The following STIP1 variants were observed in gnomAD, a reference collection of about 807,000 sequenced individuals.
The protein encoded by STIP1 is stress induced phosphoprotein 1, also known as stress-induced-phosphoprotein 1.
In STIP1, 16 loss-of-function variants were observed where a neutral mutation model predicts 77.4. That is an observed-to-expected ratio of 0.21 (90% confidence interval 0.14 to 0.31). STIP1 has a LOEUF of 0.31. Among genes scored for constraint, STIP1 ranks in the 10% least tolerant of loss-of-function variants. The pLI is 1.00. For missense variants in STIP1, 524 were observed against 684.8 expected (o/e 0.77, Z 2.62); for synonymous variants, 258 against 246.6 (o/e 1.05, Z -0.44).
chr11:64,200,898 G>A (rs77281744), intron 10 of STIP1, among the ~76,000 whole-genome samples: 10 of 151,314 alleles, frequency 6.6e-5, no homozygotes, highest in African/African-American at 2.4e-4. Flanking sequence ...ACCATCTCCC[G>A]GGTATTTTAG....
intron 10 of STIP1, chr11:64,202,633 T>C (rs1946232136): frequency 1.8e-6 from 1 of 561,420 alleles, no homozygotes; most frequent in South Asian, 2.1e-5. Flanking sequence ...TGTCATGTAC[T>C]CTTCAGTTTC....
At chr11:64,185,920 A>C, upstream of STIP1, 1 of 1,536,220 alleles carries the variant, frequency 6.5e-7, no homozygotes, top group Non-Finnish European at 8.7e-7. Flanking sequence ...AGTGCAAAAG[A>C]CCAATCCGTG....
Position 64,193,263 on chromosome 11 carries a change from C to A in STIP1, c.195C>A (p.Val65=). 6.2e-7 allele frequency: 1 copy of A among 1,614,148 alleles called. No individual in the cohort carries two copies. Among genetic ancestry groups the A allele is most frequent in the South Asian group, 1.1e-5 (1 of 91,060 alleles). ...CTTATGAGGATGGCTGCAAGACTGT[C>A]GACCTAAAGCCTGACTGGGGCAAGG... is the stretch of plus-strand genomic sequence containing the variant. The part of the protein sequence containing the change: ...QKAYEDGCKT[V]DLKPDWGKGY... The change falls in exon 2 of 14, where the codon GTC becomes GTA. Residue 65 remains valine, a synonymous_variant. Transcript: ENST00000305218.
chr11:64,202,138 C>T (rs1431704620), intron 10 of STIP1, among the ~76,000 whole-genome samples: 1 of 152,226 alleles, frequency 6.6e-6, no homozygotes, highest in Non-Finnish European at 1.5e-5. Context: ...CAGACCAAGG[C>T]CTGATGCCAT....
intron 10 of STIP1, among the ~76,000 whole-genome samples, chr11:64,202,212 G>GT (rs1233665396): frequency 7.2e-5 from 11 of 151,840 alleles, no homozygotes; most frequent in African/African-American, 2.2e-4. Flanking sequence ...TAAAACTGAG[G>GT]TTTTTTTATT....
intron 5 of STIP1, 173 bp from the exon 6 acceptor site, chr11:64,197,098 A>G (rs764575375): frequency 6.2e-6 from 5 of 809,312 alleles, no homozygotes; most frequent in Non-Finnish European, 9.6e-6. Context: ...GTTAGTTTTC[A>G]TTCTAACGGC....
In STIP1 at chr11:64,186,248, G is replaced by GA; in HGVS notation, c.-13dup. 6.6e-7 allele frequency: 1 copy of GA among 1,510,848 alleles called. No individual in the cohort carries two copies. The highest frequency in any genetic ancestry group is 8.9e-7 in the Non-Finnish European group (1 of 1,122,566). The allele number at this position is 1,510,848 out of a possible 1,614,324, so 93.6% of individuals were successfully genotyped here. A position where few individuals can be genotyped will look rare whatever the true frequency, so the allele number is the denominator to read the frequency against. ...ACGGATTCGATTCAACGGGGTTCCG[G>GA]ACCGCGCTGCGCTATGGAGCAGGTG... On this transcript the variant is annotated 5_prime_UTR_variant, in exon 1 of 14. Transcript: ENST00000305218.
intron 1 of STIP1, among the ~76,000 whole-genome samples, chr11:64,192,014 T>G (rs2134788041): frequency 6.6e-6 from 1 of 152,100 alleles, no homozygotes; most frequent in South Asian, 2.1e-4. Flanking sequence ...GCCTCACTTT[T>G]TAAAACTGCT....
In STIP1 at chr11:64,190,389, G is replaced by C. The variant is rs554423599; in HGVS notation, c.10-2689G>C. Among the ~76,000 whole-genome samples, 8 of 152,146 alleles carry C rather than the reference G, an allele frequency of 5.3e-5. No individual in the cohort carries two copies. In the East Asian group the frequency reaches 1.5e-3, roughly 29 times the overall value. ...ACGGGGTTTCTCCATGTTGAGGCTG[G>C]TCTCGAACTCCTGACCTCAGGTGAT... On this transcript the variant is annotated intron_variant, in intron 1 of 13. Transcript: ENST00000305218.
chr11:64,199,903 G>T, intron 8 of STIP1, 37 bp from the exon 9 acceptor site: 1 of 1,611,024 alleles, frequency 6.2e-7, no homozygotes, highest in Non-Finnish European at 8.5e-7. Context: ...ATGATTATGA[G>T]CGTTTAAATT....
At chr11:64,195,557 T>C (rs1946139786) in intron 4 of STIP1, 88 bp from the exon 5 acceptor site, 8 of 1,337,956 alleles carry the variant, frequency 6.0e-6, no homozygotes, top group Middle Eastern at 2.7e-4. Context: ...AACACAAGAA[T>C]CTGACTTTAG....
Position 64,190,869 on chromosome 11 carries a change from A to G in STIP1, c.10-2209A>G, listed in dbSNP as rs138251652. On this transcript the variant is annotated intron_variant, in intron 1 of 13. Transcript: ENST00000305218. ...AAAACATTTAGCCAGGCATGGTGACACACACTTGTAGTCCCAGCTACTTAA... is the reference window on the plus strand; with the variant it reads ...AAAACATTTAGCCAGGCATGGTGACGCACACTTGTAGTCCCAGCTACTTAA... 1.9e-3 allele frequency among the ~76,000 whole-genome samples: 294 copies of G among 152,244 alleles called. 1 individual carries two copies. The highest frequency in any genetic ancestry group is 6.7e-3 in the African/African-American group (277 of 41,540).
At position 64,202,859 on chromosome 11, in the gene STIP1, CT is replaced by C; in HGVS notation, c.1246-16del. 1 of 1,614,196 alleles carries C rather than the reference CT, an allele frequency of 6.2e-7. No individual in the cohort carries two copies. Among genetic ancestry groups the C allele is most frequent in the South Asian group, 1.1e-5 (1 of 91,080 alleles). On this transcript the variant is annotated splice_polypyrimidine_tract_variant and intron_variant, in intron 10 of 13. Coordinates refer to ENST00000305218, the MANE Select transcript of STIP1 (RefSeq NM_006819.3). ...CCAAGGGAATGAGCCTAATTTCTTTCTGTTGCTTCATTCTAGGACTGTGAGG... is the reference window on the plus strand; with the variant it reads ...CCAAGGGAATGAGCCTAATTTCTTTCGTTGCTTCATTCTAGGACTGTGAGG...
At chr11:64,187,366 C>T (rs998335491) in intron 1 of STIP1, among the ~76,000 whole-genome samples, 49 of 151,886 alleles carry the variant, frequency 3.2e-4, no homozygotes, top group African/African-American at 1.1e-3. Flanking sequence ...GGGCCCATAA[C>T]ACTTGGGGGT....
Position 64,204,032 on chromosome 11 carries a change from G to A in STIP1, c.1560-22G>A. On this transcript the variant is annotated intron_variant, in intron 13 of 13. Coordinates refer to ENST00000305218, the MANE Select transcript of STIP1 (RefSeq NM_006819.3). ...GACTTTAAAGGTTGTCTCATTTCAA[G>A]TAACTGCGTCTTCCTCTGTAGACAC... The A allele has an allele frequency of 2.5e-6, 4 of 1,613,650 alleles. No homozygotes were observed. In the South Asian group the frequency reaches 4.4e-5, roughly 18 times the overall value.
intron 2 of STIP1, chr11:64,193,559 G>T: frequency 2.3e-6 from 1 of 431,356 alleles, no homozygotes; most frequent in Non-Finnish European, 4.3e-6. Context: ...TGAGGTGGGC[G>T]GATCACTTGA....
chr11:64,189,422 G>A (rs2134782804), intron 1 of STIP1, among the ~76,000 whole-genome samples: 1 of 152,264 alleles, frequency 6.6e-6, no homozygotes, highest in Non-Finnish European at 1.5e-5. Flanking sequence ...AGCTACGTGG[G>A]AGGCTGAGGC....
rs149963446 is a variant in STIP1 at position 64,192,618 on chromosome 11, C to T, written c.10-460C>T. 2.1e-3 allele frequency among the ~76,000 whole-genome samples: 319 copies of T among 152,326 alleles called. 5 individuals are homozygous for T. The Middle Eastern group carries it at 0.037, about 18-fold the overall frequency. On this transcript the variant is annotated intron_variant, in intron 1 of 13. Coordinates refer to ENST00000305218, the MANE Select transcript of STIP1 (RefSeq NM_006819.3). Reference sequence around the variant, plus strand: ...GCCGCTCCCAAGAAAGAGAAGTCTCCGCTGCCATCCCACAGCCTTTGGGTC... The same window carrying T: ...GCCGCTCCCAAGAAAGAGAAGTCTCTGCTGCCATCCCACAGCCTTTGGGTC...
rs751707945 is a variant in STIP1, at chr11:64,194,550, A to T, written c.433A>T (p.Thr145Ser). The T allele has an allele frequency of 1.9e-6, 3 of 1,614,050 alleles. No individual in the cohort carries two copies. In the East Asian group the frequency reaches 6.7e-5, roughly 36 times the overall value. The change falls in exon 4 of 14, where the codon ACA becomes TCA. Residue 145 changes from threonine (T) to serine (S), a missense_variant. Thr to Ser is a moderately conservative substitution (Grantham distance 58). Transcript: ENST00000305218. ...QKLESDPRTR[T>S]LLSDPTYREL... ...GTTGGAGAGTGATCCCAGGACAAGG[A>T]CACTACTCAGTGATCCTACCTACCG...
Sources: allele counts gnomAD v4.1 joint callset (sites outside exome capture counted in the v4.1 genomes callset), GRCh38; gene constraint gnomAD v4.1.1; transcripts MANE v1.5; gene names NCBI Gene and HGNC (gene_info 2026-07-23, HGNC 2026-07-21).